The following SOX5 variants were observed in gnomAD, a reference collection of about 807,000 sequenced individuals.
SOX5 encodes the protein transcription factor SOX-5.
A neutral mutation model predicts 92.0 loss-of-function variants in SOX5; 9 were observed. The observed-to-expected ratio is 0.10, with a 90% confidence interval of 0.06 to 0.17. The LOEUF is 0.17. Ranked by LOEUF, SOX5 falls within the 10% of genes least tolerant of loss-of-function variation. SOX5 has a pLI of 1.00. For missense variants in SOX5, 642 were observed against 944.5 expected (o/e 0.68, Z 4.20); for synonymous variants, 344 against 336.3 (o/e 1.02, Z -0.25).
At chr12:23,959,076 G>A (rs1946601222) in intron 4 of SOX5, among the ~76,000 whole-genome samples, 2 of 151,700 alleles carry the variant, frequency 1.3e-5, no homozygotes, top group East Asian at 1.9e-4. Flanking sequence ...TAGCATCAAT[G>A]TCATAAAAAT....
chr12:24,095,878 A>G (rs1477071337), intron 4 of SOX5, among the ~76,000 whole-genome samples: 1 of 152,136 alleles, frequency 6.6e-6, no homozygotes, highest in African/African-American at 2.4e-5. Flanking sequence ...ACTTTCTGCC[A>G]TGATTGTAAG....
At chr12:24,465,903 C>A (rs1485534425) in intron 1 of SOX5, among the ~76,000 whole-genome samples, 1 of 152,174 alleles carries the variant, frequency 6.6e-6, no homozygotes, top group Non-Finnish European at 1.5e-5. Flanking sequence ...GCTGTCACAG[C>A]ACTTCCCCAT....
chr12:24,092,994 G>A (rs1336810483), intron 4 of SOX5, among the ~76,000 whole-genome samples: 1 of 152,114 alleles, frequency 6.6e-6, no homozygotes, highest in Non-Finnish European at 1.5e-5. Flanking sequence ...GATCCAAGCA[G>A]TCTCAGCCAT....
At chr12:23,991,722 C>T (rs1213120026) in intron 4 of SOX5, among the ~76,000 whole-genome samples, 1 of 148,394 alleles carries the variant, frequency 6.7e-6, no homozygotes, top group Admixed American at 6.8e-5. Flanking sequence ...GAATCAAATA[C>T]AGTAACCAGA....
At chr12:23,647,184 TAC>T (rs747066346) in intron 7 of SOX5, among the ~76,000 whole-genome samples, 1 of 152,210 alleles carries the variant, frequency 6.6e-6, no homozygotes, top group Non-Finnish European at 1.5e-5. Flanking sequence ...CATCTCCTTG[TAC>T]ACCACCATCA....
intron 3 of SOX5, among the ~76,000 whole-genome samples, chr12:24,247,594 C>T (rs1000521344): frequency 6.7e-6 from 1 of 149,582 alleles, no homozygotes; most frequent in African/African-American, 2.5e-5. Context: ...CTTGTGGGCA[C>T]GTTACATCTT....
intron 1 of SOX5, among the ~76,000 whole-genome samples, chr12:24,458,080 T>C (rs1184854078): frequency 6.6e-6 from 1 of 152,208 alleles, no homozygotes; most frequent in Non-Finnish European, 1.5e-5. Context: ...ATATTTGTAT[T>C]GTGCATGTGA....
chr12:24,098,049 A>G (rs1012178422), intron 4 of SOX5, among the ~76,000 whole-genome samples: 2 of 151,990 alleles, frequency 1.3e-5, no homozygotes, highest in Non-Finnish European at 2.9e-5. Context: ...CTTTTACTTT[A>G]TGAATTTTAG....
At chr12:23,950,846 C>T (rs1023157401), upstream of SOX5, 47 of 1,533,962 alleles carry the variant, frequency 3.1e-5, no homozygotes, top group Non-Finnish European at 3.8e-5. Context: ...GAGGCACATA[C>T]ACACAGAGAG....
chr12:23,682,352 A>G (rs182733694), intron 6 of SOX5, among the ~76,000 whole-genome samples: 120 of 151,988 alleles, frequency 7.9e-4, no homozygotes, highest in African/African-American at 2.6e-3. Context: ...TATGAGGTAT[A>G]TTTTAGAAGA....
intron 6 of SOX5, among the ~76,000 whole-genome samples, chr12:23,699,144 G>A (rs2090284831): frequency 6.6e-6 from 1 of 152,150 alleles, no homozygotes; most frequent in Admixed American, 6.5e-5. Flanking sequence ...CTCTCCCTCT[G>A]AAAAGCTATT....
At chr12:23,975,298 G>A (rs1334753922) in intron 4 of SOX5, among the ~76,000 whole-genome samples, 2 of 151,310 alleles carry the variant, frequency 1.3e-5, no homozygotes, top group African/African-American at 4.9e-5. Context: ...AACCAAACCA[G>A]AACTTTACTC....
At chr12:24,043,269 A>C (rs969395418) in intron 4 of SOX5, among the ~76,000 whole-genome samples, 2 of 152,204 alleles carry the variant, frequency 1.3e-5, no homozygotes, top group South Asian at 4.1e-4. Flanking sequence ...AGGTCAATAA[A>C]TATCGGAAAG....
At chr12:24,360,128 G>T (rs1397808240) in intron 2 of SOX5, among the ~76,000 whole-genome samples, 4 of 152,160 alleles carry the variant, frequency 2.6e-5, no homozygotes, top group African/African-American at 9.7e-5. Context: ...AAACAAAATT[G>T]CCTCTTTCAG....
chr12:23,984,844 AAG>A (rs1478766108), intron 4 of SOX5, among the ~76,000 whole-genome samples: 3 of 152,208 alleles, frequency 2.0e-5, no homozygotes, highest in African/African-American at 7.2e-5. Flanking sequence ...TATGCATTTG[AAG>A]TAATGGACTA....
chr12:24,314,590 C>T (rs534976949), intron 2 of SOX5, among the ~76,000 whole-genome samples: 80 of 152,172 alleles, frequency 5.3e-4, no homozygotes, highest in African/African-American at 1.9e-3. Flanking sequence ...GTTCTCTCTG[C>T]TCAAAACCCT....
intron 1 of SOX5, among the ~76,000 whole-genome samples, chr12:24,375,255 G>A (rs1481688194): frequency 1.3e-5 from 2 of 152,038 alleles, no homozygotes; most frequent in East Asian, 2.0e-4. Context: ...TTACAGGCGT[G>A]AGCCACCGTG....
intron 1 of SOX5, among the ~76,000 whole-genome samples, chr12:24,419,440 G>A (rs1326926066): frequency 2.0e-5 from 3 of 152,056 alleles, no homozygotes; most frequent in African/African-American, 7.2e-5. Flanking sequence ...ATGCACAGCC[G>A]AGTAGGGGCA....
intron 4 of SOX5, among the ~76,000 whole-genome samples, chr12:24,158,875 T>C (rs1416378835): frequency 6.6e-6 from 1 of 151,966 alleles, no homozygotes; most frequent in African/African-American, 2.4e-5. Flanking sequence ...GGTTAACATT[T>C]GGTTAAATTT....
Sources: allele counts gnomAD v4.1 joint callset (sites outside exome capture counted in the v4.1 genomes callset), GRCh38; gene constraint gnomAD v4.1.1; transcripts MANE v1.5; gene names NCBI Gene and HGNC (gene_info 2026-07-23, HGNC 2026-07-21).